Variants in PCDHGA3 observed in about 807,000 individuals in gnomAD.
PCDHGA3 encodes the protein protocadherin gamma subfamily A, 3, also known as protocadherin gamma-A3.
A neutral mutation model predicts 58.5 loss-of-function variants in PCDHGA3; 40 were observed. The observed-to-expected ratio is 0.68, with a 90% CI of 0.53 to 0.89. PCDHGA3 has a LOEUF of 0.89. PCDHGA3 is among the 40% of genes least tolerant of loss of function. The probability of loss-of-function intolerance (pLI) is 0.00; values close to 1 mark genes in which losing one functional copy is unlikely to be tolerated. For missense variants in PCDHGA3, 1,223 were observed against 1,195.9 expected (o/e 1.02, Z -0.33); for synonymous variants, 530 against 525.7 (o/e 1.01, Z -0.11).
chr5:141,363,430 A>G (rs1003624399), intron 1 of PCDHGA3, among the ~76,000 whole-genome samples: 5 of 152,204 alleles, frequency 3.3e-5, no homozygotes, highest in Admixed American at 6.5e-5. Flanking sequence ...GTCTCAACAT[A>G]GAAAGGTCAC....
intron 1 of PCDHGA3, chr5:141,400,386 A>G (rs766907172): frequency 5.0e-6 from 8 of 1,614,040 alleles, no homozygotes; most frequent in Non-Finnish European, 5.1e-6. Context: ...TATGTGTTGC[A>G]CATACAGGAA....
chr5:141,459,232 G>C (rs1293027771), intron 1 of PCDHGA3, among the ~76,000 whole-genome samples: 1 of 152,152 alleles, frequency 6.6e-6, no homozygotes, highest in Non-Finnish European at 1.5e-5. Context: ...GCAACAACTG[G>C]TCTGCTTCCT....
chr5:141,431,658 C>T lies in PCDHGA3; in HGVS notation c.2425-63149C>T, dbSNP rs1283381348. 6.2e-7 allele frequency: 1 copy of T among 1,614,088 alleles called. No individual in the cohort carries two copies. ...TTCAAACTAGATTGTAATTCAGGGA[C>T]AATATCAACAATAGGGGAGTTGGAC... On this transcript the variant is annotated intron_variant, in intron 1 of 3. Transcript: ENST00000253812. The surrounding 1 kb of genome is among the most constrained non-coding windows in gnomAD (Gnocchi z 4.8).
chr5:141,474,597 T>C (rs1454833258), intron 1 of PCDHGA3, among the ~76,000 whole-genome samples: 2 of 152,248 alleles, frequency 1.3e-5, no homozygotes, highest in Non-Finnish European at 2.9e-5. Flanking sequence ...CATGGAAATA[T>C]AGGTCACATA....
intron 1 of PCDHGA3, chr5:141,393,313 T>G: frequency 1.2e-6 from 2 of 1,613,324 alleles, no homozygotes; most frequent in Non-Finnish European, 1.7e-6. Flanking sequence ...GTGAACTCCC[T>G]CCAGAGCTAC....
intron 1 of PCDHGA3, 48 bp downstream of exon 1, chr5:141,346,505 G>A: frequency 6.2e-7 from 1 of 1,609,546 alleles, no homozygotes; most frequent in Non-Finnish European, 8.5e-7. Context: ...ATGAGAATGT[G>A]GTTATTATAA....
intron 1 of PCDHGA3, among the ~76,000 whole-genome samples, chr5:141,454,918 C>T (rs1474616925): frequency 6.7e-6 from 1 of 149,344 alleles, no homozygotes; most frequent in Non-Finnish European, 1.5e-5. Context: ...CGCCATTCTC[C>T]TGCCTCAGCC....
chr5:141,403,083 T>C lies in PCDHGA3; in HGVS notation c.2424+56626T>C, dbSNP rs775664314. 7 of 1,613,932 alleles carry C rather than the reference T, an allele frequency of 4.3e-6. No individual in the cohort carries two copies. The highest frequency in any genetic ancestry group is 2.7e-5 in the African/African-American group (2 of 74,948). ...CCTGAAGAGACAGAAAAGGGCTATATTGTGGGCAACATCTCCAAGGACCTG... is the reference window on the plus strand; with the variant it reads ...CCTGAAGAGACAGAAAAGGGCTATACTGTGGGCAACATCTCCAAGGACCTG... On this transcript the variant is annotated intron_variant, in intron 1 of 3. Transcript: ENST00000253812.
Position 141,344,595 on chromosome 5 carries a change from G to A in PCDHGA3, c.562G>A (p.Gly188Arg). Residue 188 changes from glycine to arginine, a missense_variant, in exon 1 of 4, where the codon GGG becomes AGG. This residue lies in a region of PCDHGA3 where 791 missense variants were observed against 708.5 expected (regional missense o/e 1.12). Coordinates refer to ENST00000253812, the MANE Select transcript of PCDHGA3 (RefSeq NM_018916.4). Reference protein sequence around the residue: ...FSLAVNSVSEGAKYPELVLER... With the variant: ...FSLAVNSVSERAKYPELVLER... The stretch of plus-strand genomic sequence containing the variant: ...TCTGGCTGTGAATAGCGTCTCTGAG[G>A]GGGCCAAGTATCCAGAGCTGGTGCT... 1 of 1,613,976 alleles carries A rather than the reference G, an allele frequency of 6.2e-7. No individual in the cohort carries two copies. The highest frequency in any genetic ancestry group is 1.7e-5 in the Admixed American group (1 of 60,028).
At position 141,512,091 on chromosome 5, in the gene PCDHGA3, A is replaced by C. The variant is rs1329025049; in HGVS notation, c.*918A>C. On this transcript the variant is annotated 3_prime_UTR_variant, in exon 4 of 4. Transcript: ENST00000253812. The stretch of plus-strand genomic sequence containing the variant: ...TCCAGATTCCAGCCATAAACCAATA[A>C]CTAGGCTGGACCCTTCCCACTACAT... 1 of 152,656 alleles carries C rather than the reference A, an allele frequency of 6.6e-6. No homozygotes were observed. The highest frequency in any genetic ancestry group is 2.4e-5 in the African/African-American group (1 of 41,456). 9.5% of individuals were successfully genotyped at this position (152,656 alleles called of 1,614,324 possible). A position where few individuals can be genotyped will look rare whatever the true frequency, so the allele number is the denominator to read the frequency against.
intron 1 of PCDHGA3, chr5:141,421,033 C>T (rs915028623): frequency 2.4e-5 from 13 of 533,788 alleles, no homozygotes; most frequent in Non-Finnish European, 6.5e-6. Context: ...CCATTGAGTC[C>T]CTCCCTCCCC....
At chr5:141,437,826 CT>C (rs1263000808) in intron 1 of PCDHGA3, among the ~76,000 whole-genome samples, 5 of 151,936 alleles carry the variant, frequency 3.3e-5, no homozygotes, top group African/African-American at 1.2e-4. Flanking sequence ...CAACCTCTGC[CT>C]CCTGGGTTCA....
In PCDHGA3 at chr5:141,344,132, C is replaced by A. The variant is rs1216708631; in HGVS notation, c.99C>A (p.Tyr33Ter). The A allele has an allele frequency of 1.9e-6, 3 of 1,613,918 alleles. No homozygotes were observed. Among genetic ancestry groups the A allele is most frequent in the Non-Finnish European group, 2.5e-6 (3 of 1,179,900 alleles). ...LCETGSGQIR[Y>*]SVSEELDKGS... Reference sequence around the variant, plus strand: ...AAACAGGATCCGGTCAGATCCGCTACTCGGTGTCTGAGGAGCTAGATAAAG... The same window carrying A: ...AAACAGGATCCGGTCAGATCCGCTAATCGGTGTCTGAGGAGCTAGATAAAG... Residue 33 changes from tyrosine (Y) to a stop codon, truncating the protein, a stop_gained, in exon 1 of 4, where the codon TAC becomes TAA. Coordinates refer to ENST00000253812, the MANE Select transcript of PCDHGA3 (RefSeq NM_018916.4). LOFTEE classifies it high-confidence loss of function.
chr5:141,355,648 G>T (rs11575949), intron 1 of PCDHGA3: 1 of 1,613,846 alleles, frequency 6.2e-7, no homozygotes. Flanking sequence ...AAATCCTGGG[G>T]CAAGATTTCC....
At position 141,450,006 on chromosome 5, in the gene PCDHGA3, C is replaced by CTTTTT. The variant is rs1554136305; in HGVS notation, c.2425-44787_2425-44783dup. ...CACATTGCATTTAGTTGCCATGTCTCTTTTTTTTTTTTTTTTTTGAGACAG... is the reference window on the plus strand; with the variant it reads ...CACATTGCATTTAGTTGCCATGTCTCTTTTTTTTTTTTTTTTTTTTTTTGAGACAG... On this transcript the variant is annotated intron_variant, in intron 1 of 3. Transcript: ENST00000253812. Among the ~76,000 whole-genome samples the CTTTTT allele has an allele frequency of 3.4e-4, 45 of 132,908 alleles. 3 individuals carry two copies. Among genetic ancestry groups the CTTTTT allele is most frequent in the South Asian group, 7.1e-4 (3 of 4,236 alleles). 87.2% of individuals were successfully genotyped at this position (132,908 alleles called of 152,430 possible).
chr5:141,344,968 C>T lies in PCDHGA3; in HGVS notation c.935C>T (p.Ala312Val), dbSNP rs761849653. ...SILKSLDYED[A>V]MFYEIKIEAQ... ...TTAAAAAGTCTAGATTATGAGGATG[C>T]CATGTTCTATGAAATTAAAATTGAA... is the stretch of plus-strand genomic sequence containing the variant. The change falls in exon 1 of 4, where the codon GCC (alanine) becomes GTC (valine). Residue 312 changes from alanine to valine, a missense_variant. Ala to Val is a moderately conservative substitution (Grantham distance 64, BLOSUM62 0). Around this residue, in one of 3 missense-constraint regions of PCDHGA3, gnomAD observed 791 missense variants for 708.5 expected, o/e 1.12. Coordinates refer to ENST00000253812, the MANE Select transcript of PCDHGA3 (RefSeq NM_018916.4). 3.1e-6 allele frequency: 5 copies of T among 1,613,558 alleles called. No homozygotes were observed. In the South Asian group the frequency reaches 4.4e-5, roughly 14 times the overall value.
In PCDHGA3 at chr5:141,490,679, A is replaced by C; in HGVS notation, c.2425-4128A>C. On this transcript the variant is annotated intron_variant, in intron 1 of 3. Coordinates refer to ENST00000253812, the MANE Select transcript of PCDHGA3 (RefSeq NM_018916.4). The surrounding 1 kb of genome is among the most constrained non-coding windows in gnomAD (Gnocchi z 5.4). ...CTTCTTTGCACTGTGGCTGCCTCAG[A>C]TCCAGACACTGGGGATAATGCCCGC... 6.2e-7 allele frequency: 1 copy of C among 1,614,164 alleles called. No individual in the cohort carries two copies. The highest frequency in any genetic ancestry group is 8.5e-7 in the Non-Finnish European group (1 of 1,180,034).
intron 1 of PCDHGA3, among the ~76,000 whole-genome samples, chr5:141,468,047 G>A (rs901583535): frequency 2.0e-5 from 3 of 152,050 alleles, no homozygotes; most frequent in Non-Finnish European, 2.9e-5. Context: ...AAACTAAGCC[G>A]GGCACAGTGG....
At chr5:141,395,079 G>C in intron 1 of PCDHGA3, 1 of 1,614,142 alleles carries the variant, frequency 6.2e-7, no homozygotes, top group Non-Finnish European at 8.5e-7. Flanking sequence ...CTATTCCCAG[G>C]AAGTCTCCCT....
Sources: gnomAD v4.1 joint callset for allele counts (sites outside exome capture counted in the v4.1 genomes callset) on GRCh38, gnomAD v4.1.1 for gene constraint, gnomAD v4.1.1 regional missense constraint, Gnocchi (gnomAD v3.1) non-coding constraint, MANE v1.5 for transcripts, NCBI Gene and HGNC (gene_info 2026-07-23, HGNC 2026-07-21) for gene names.